Variants in GRIA4 observed in about 807,000 individuals in gnomAD.
The protein encoded by GRIA4 is glutamate receptor 4.
A neutral mutation model predicts 104.0 loss-of-function variants in GRIA4; 34 were observed. The observed-to-expected ratio is 0.33, with a 90% CI of 0.25 to 0.44. The LOEUF is 0.44. GRIA4 is among the 20% of genes least tolerant of loss of function. The pLI, the probability that GRIA4 is intolerant of heterozygous loss-of-function variation, is 1.00. For synonymous variants in GRIA4, 386 were observed against 381.9 expected (o/e 1.01, Z -0.13); for missense variants, 750 against 1,096.5 (o/e 0.68, Z 4.46).
intron 6 of GRIA4, among the ~76,000 whole-genome samples, chr11:105,891,240 T>C (rs1176614831): frequency 6.6e-6 from 1 of 152,174 alleles, no homozygotes; most frequent in Non-Finnish European, 1.5e-5. Context: ...CATCAGATTT[T>C]TCATGACCTG....
intron 3 of GRIA4, among the ~76,000 whole-genome samples, chr11:105,682,242 G>A (rs763390694): frequency 6.6e-6 from 1 of 151,982 alleles, no homozygotes; most frequent in Admixed American, 6.6e-5. Context: ...GAGATGGGGG[G>A]TCTCACTATG....
chr11:105,978,271 A>G (rs660278), intron 16 of GRIA4, among the ~76,000 whole-genome samples: 98,062 of 151,750 alleles, frequency 0.65, 31,731 homozygotes, highest in Middle Eastern at 0.72. Context: ...AAGATAATCA[A>G]GTAGAAGTGT....
intron 3 of GRIA4, among the ~76,000 whole-genome samples, chr11:105,617,946 C>T (rs1001478062): frequency 6.6e-6 from 1 of 151,960 alleles, no homozygotes; most frequent in East Asian, 1.9e-4. Flanking sequence ...AGGATAATTA[C>T]ATCAAACTTG....
intron 14 of GRIA4, among the ~76,000 whole-genome samples, chr11:105,950,872 T>C (rs186732646): frequency 6.6e-5 from 10 of 151,848 alleles, no homozygotes; most frequent in Admixed American, 2.0e-4. Context: ...GATGAATATA[T>C]AGTTTAGCTA....
At chr11:105,877,489 A>G (rs908874419) in intron 5 of GRIA4, among the ~76,000 whole-genome samples, 2 of 152,230 alleles carry the variant, frequency 1.3e-5, no homozygotes, top group Non-Finnish European at 2.9e-5. Flanking sequence ...CCTGGATAAT[A>G]TCCTGAAGAG....
intron 3 of GRIA4, among the ~76,000 whole-genome samples, chr11:105,682,270 C>T (rs915380593): frequency 6.6e-6 from 1 of 151,994 alleles, no homozygotes; most frequent in Non-Finnish European, 1.5e-5. Flanking sequence ...GGCTAGTGTA[C>T]AGTAGATAGG....
At chr11:105,803,844 CAAAAA>C (rs537440632) in intron 4 of GRIA4, among the ~76,000 whole-genome samples, 1 of 80,542 alleles carries the variant, frequency 1.2e-5, no homozygotes, top group Non-Finnish European at 2.9e-5. Flanking sequence ...GGTGCTATAC[CAAAAA>C]AAAAAAAAAA....
chr11:105,882,766 C>A (rs1384899674), intron 5 of GRIA4, among the ~76,000 whole-genome samples: 2 of 152,096 alleles, frequency 1.3e-5, no homozygotes, highest in African/African-American at 4.8e-5. Context: ...ATCCTTAAAT[C>A]TCTTAGCCTT....
At chr11:105,612,541 C>A in intron 3 of GRIA4, 107 bp downstream of exon 3, 1 of 841,342 alleles carries the variant, frequency 1.2e-6, no homozygotes, top group East Asian at 2.6e-5. Flanking sequence ...TCAAGATTCC[C>A]ACAGTTGCCT....
At chr11:105,710,647 T>C (rs910149016) in intron 3 of GRIA4, among the ~76,000 whole-genome samples, 3 of 152,158 alleles carry the variant, frequency 2.0e-5, no homozygotes, top group Admixed American at 2.0e-4. Context: ...GACAAGCTAG[T>C]TGTGGGTTCA....
intron 4 of GRIA4, among the ~76,000 whole-genome samples, chr11:105,793,725 A>G (rs1942325086): frequency 6.6e-6 from 1 of 152,134 alleles, no homozygotes; most frequent in Non-Finnish European, 1.5e-5. Context: ...CATAGAGCTT[A>G]GGGGAAGGAA....
intron 3 of GRIA4, among the ~76,000 whole-genome samples, chr11:105,727,111 C>T (rs1181625502): frequency 6.6e-6 from 1 of 151,710 alleles, no homozygotes; most frequent in Non-Finnish European, 1.5e-5. Flanking sequence ...CATGTTATAA[C>T]CCAATGGAAG....
chr11:105,611,280 C>G (rs1415548522), intron 2 of GRIA4, among the ~76,000 whole-genome samples, 195 bp downstream of exon 2: 2 of 152,088 alleles, frequency 1.3e-5, no homozygotes, highest in African/African-American at 2.4e-5. Context: ...ACACCCAGGG[C>G]AGCCCACCCA....
chr11:105,812,336 G>A (rs1943208376), intron 4 of GRIA4, among the ~76,000 whole-genome samples: 1 of 152,082 alleles, frequency 6.6e-6, no homozygotes. Flanking sequence ...CAGGTTTGGT[G>A]AATTTGTTGT....
intron 4 of GRIA4, among the ~76,000 whole-genome samples, chr11:105,786,318 T>C (rs573181175): frequency 6.6e-6 from 1 of 152,284 alleles, no homozygotes; most frequent in Non-Finnish European, 1.5e-5. Context: ...AGTGCGGCAA[T>C]AAATTGTTTC....
chr11:105,870,469 C>T (rs1479633990), intron 5 of GRIA4, among the ~76,000 whole-genome samples: 3 of 151,184 alleles, frequency 2.0e-5, no homozygotes, highest in East Asian at 1.9e-4. Context: ...CAATTTTAGT[C>T]GATGCTGTGA....
intron 3 of GRIA4, among the ~76,000 whole-genome samples, chr11:105,652,641 G>T (rs536198323): frequency 1.6e-4 from 24 of 152,088 alleles, no homozygotes; most frequent in Admixed American, 1.5e-3. Context: ...AGGAAATTGG[G>T]CTTCTTTTTT....
chr11:105,630,245 A>G (rs1039093745), intron 3 of GRIA4, among the ~76,000 whole-genome samples: 5 of 152,206 alleles, frequency 3.3e-5, no homozygotes, highest in African/African-American at 1.2e-4. Flanking sequence ...CTCATGGCTC[A>G]ATGCCTGGCT....
chr11:105,769,272 G>A (rs117136767), intron 4 of GRIA4, among the ~76,000 whole-genome samples: 1,825 of 152,168 alleles, frequency 0.012, 26 homozygotes, highest in Middle Eastern at 0.027. Flanking sequence ...TGAGGCACAT[G>A]CAAGACTGTG....
Sources: gnomAD v4.1 joint callset for allele counts (sites outside exome capture counted in the v4.1 genomes callset) on GRCh38, gnomAD v4.1.1 for gene constraint, MANE v1.5 for transcripts, NCBI Gene and HGNC (gene_info 2026-07-23, HGNC 2026-07-21) for gene names.